JKAMP: variants seen among roughly 807,000 people sequenced by gnomAD.
JKAMP encodes JNK1/MAPK8-associated membrane protein.
Under a neutral mutation model 40.2 loss-of-function variants are expected in JKAMP, and 20 were observed. The ratio of observed to expected loss-of-function variants is 0.50; its 90% confidence interval spans 0.35 to 0.72. The LOEUF (loss-of-function observed/expected upper bound fraction) is 0.72, where lower values mean the gene tolerates loss of function less well. JKAMP is among the 30% of genes least tolerant of loss of function. JKAMP has a pLI of 0.01. For synonymous variants in JKAMP, 138 were observed against 131.6 expected (o/e 1.05, Z -0.33); for missense variants, 276 against 373.0 (o/e 0.74, Z 2.14).
At chr14:59,485,099 GAGCC>G (rs1890427749) in intron 1 of JKAMP, 1 of 1,598,308 alleles carries the variant, frequency 6.3e-7, no homozygotes, top group African/African-American at 1.3e-5. Context: ...CAGTCGCTTG[GAGCC>G]TGGGTTTTGC....
Position 59,505,001 on chromosome 14 carries a change from C to G in JKAMP, c.*929C>G. The stretch of plus-strand genomic sequence containing the variant: ...TTTATGCTTTGAAGGCCTTAAGACT[C>G]ATGGTTGCAACCATGGAAGCAAAAT... On this transcript the variant is annotated 3_prime_UTR_variant, in exon 7 of 7. Coordinates refer to ENST00000616435, the MANE Select transcript of JKAMP (RefSeq NM_016475.5). 1 of 323,426 alleles carries G rather than the reference C, an allele frequency of 3.1e-6. No individual in the cohort carries two copies. Among genetic ancestry groups the G allele is most frequent in the Non-Finnish European group, 5.7e-6 (1 of 175,624 alleles). The allele number at this position is 323,426 out of a possible 1,614,324, so 20.0% of individuals were successfully genotyped here. A position where few individuals can be genotyped will look rare whatever the true frequency, so the allele number is the denominator to read the frequency against.
At chr14:59,486,533 GT>G (rs1313750237) in intron 1 of JKAMP, 179 bp from the exon 2 acceptor site, 10 of 594,462 alleles carry the variant, frequency 1.7e-5, no homozygotes, top group Non-Finnish European at 2.1e-5. Context: ...CAGGATAACT[GT>G]CTGCAGTGTC....
intron 3 of JKAMP, among the ~76,000 whole-genome samples, chr14:59,493,343 A>G (rs770866666): frequency 2.0e-5 from 3 of 152,220 alleles, no homozygotes; most frequent in Non-Finnish European, 2.9e-5. Flanking sequence ...TACTGCAGCC[A>G]TGTGAGTTAG....
intron 5 of JKAMP, chr14:59,500,841 A>G (rs1204825283): frequency 6.1e-6 from 1 of 164,664 alleles, no homozygotes; most frequent in Non-Finnish European, 1.3e-5. Context: ...TAAAAAATCA[A>G]AAGACTTATA....
chr14:59,504,081 A>T lies in JKAMP; in HGVS notation c.*9A>T. 16 of 1,575,280 alleles carry T rather than the reference A, an allele frequency of 1.0e-5. No homozygotes were observed. Among genetic ancestry groups the T allele is most frequent in the Non-Finnish European group, 1.4e-5 (16 of 1,145,572 alleles). ...GAGCCAATGGACACTGAGTGTAGAC[A>T]TGTGAAATGCCAAAAACCTGAGAAG... On this transcript the variant is annotated 3_prime_UTR_variant, in exon 7 of 7. Transcript: ENST00000616435.
rs143029241 is a variant in JKAMP, at chr14:59,493,019, T to C, written c.252-1999T>C. On this transcript the variant is annotated intron_variant, in intron 3 of 6. Coordinates refer to ENST00000616435, the MANE Select transcript of JKAMP (RefSeq NM_016475.5). The stretch of plus-strand genomic sequence containing the variant: ...TTCACTGTGTTAGCCAGGATGGTCT[T>C]GATTTCCTGACCTCGTGATCCACCC... Among the ~76,000 whole-genome samples, 1,417 of 151,552 alleles carry C rather than the reference T, an allele frequency of 9.3e-3. 22 individuals are homozygous for C. The highest frequency in any genetic ancestry group is 0.031 in the African/African-American group (1,281 of 41,276).
In JKAMP at chr14:59,504,260, A is replaced by ATACTC; in HGVS notation, c.*190_*194dup. Reference sequence around the variant, plus strand: ...GACTTGGAAAATGCAAAACTCTGTAATACTCTGTTACACAGGGTAATATTA... The same window carrying ATACTC: ...GACTTGGAAAATGCAAAACTCTGTAATACTCTACTCTGTTACACAGGGTAATATTA... On this transcript the variant is annotated 3_prime_UTR_variant, in exon 7 of 7. Coordinates refer to ENST00000616435, the MANE Select transcript of JKAMP (RefSeq NM_016475.5). The ATACTC allele has an allele frequency of 1.7e-6, 1 of 595,784 alleles. No homozygotes were observed. The highest frequency in any genetic ancestry group is 3.0e-5 in the Admixed American group (1 of 33,396). The allele number at this position is 595,784 out of a possible 1,614,324, so 36.9% of individuals were successfully genotyped here. A position where few individuals can be genotyped will look rare whatever the true frequency, so the allele number is the denominator to read the frequency against.
intron 1 of JKAMP, chr14:59,485,125 T>A: frequency 6.3e-7 from 1 of 1,598,262 alleles, no homozygotes; most frequent in Non-Finnish European, 8.5e-7. Flanking sequence ...TAGTAAGTGA[T>A]AGGCTGTTTA....
At chr14:59,501,019 C>A in intron 5 of JKAMP, 172 bp from the exon 6 acceptor site, 1 of 559,836 alleles carries the variant, frequency 1.8e-6, no homozygotes, top group Non-Finnish European at 3.1e-6. Context: ...TACTATCTTG[C>A]CCTTTCCAGA....
chr14:59,495,249 T>C, intron 4 of JKAMP, 25 bp downstream of exon 4: 2 of 1,468,716 alleles, frequency 1.4e-6, no homozygotes, highest in Non-Finnish European at 1.9e-6. Context: ...CGACTTAAGA[T>C]CATTGTTTTT....
Position 59,484,570 on chromosome 14 carries a change from A to G in JKAMP, c.-20A>G. 1 of 1,573,184 alleles carries G rather than the reference A, an allele frequency of 6.4e-7. No individual in the cohort carries two copies. Reference sequence around the variant, plus strand: ...GATCCGCTGATCTAGTGCTTCTCGAAAAAAACCTTCAGGCGGCCCATGGGT... The same window carrying G: ...GATCCGCTGATCTAGTGCTTCTCGAGAAAAACCTTCAGGCGGCCCATGGGT... On this transcript the variant is annotated 5_prime_UTR_variant, in exon 1 of 7. Transcript: ENST00000616435.
At chr14:59,488,596 A>G (rs752017273) in intron 3 of JKAMP, among the ~76,000 whole-genome samples, 11 of 152,186 alleles carry the variant, frequency 7.2e-5, no homozygotes, top group Non-Finnish European at 7.3e-5. Flanking sequence ...GAAAAGTAAT[A>G]TAAAGGGGAG....
intron 4 of JKAMP, among the ~76,000 whole-genome samples, chr14:59,496,719 T>C (rs904281961): frequency 5.3e-5 from 8 of 152,230 alleles, no homozygotes; most frequent in African/African-American, 1.7e-4. Flanking sequence ...CACAGCTTCA[T>C]TGATTAGGAC....
intron 4 of JKAMP, among the ~76,000 whole-genome samples, chr14:59,497,736 C>CTTGTTTTG (rs988502702): frequency 6.6e-6 from 1 of 152,070 alleles, no homozygotes; most frequent in African/African-American, 2.4e-5. Context: ...AAAAAATTAT[C>CTTGTTTTG]ACCCAAGAGA....
At chr14:59,499,600 C>T (rs1224365263) in intron 5 of JKAMP, among the ~76,000 whole-genome samples, 2 of 152,094 alleles carry the variant, frequency 1.3e-5, no homozygotes, top group African/African-American at 4.8e-5. Context: ...GTAGGCAAGC[C>T]AGTGGCTGAG....
At position 59,485,207 on chromosome 14, in the gene JKAMP, T is replaced by A; in HGVS notation, c.4+614T>A. ...AAACTTTAGATTATTGATATTCACG[T>A]GTATTTATTAAGCATCTACTAGATG... On this transcript the variant is annotated intron_variant, in intron 1 of 6. Transcript: ENST00000616435. 10 of 1,400,134 alleles carry A rather than the reference T, an allele frequency of 7.1e-6. No individual in the cohort carries two copies. In the South Asian group the frequency reaches 1.2e-4, roughly 17 times the overall value. The allele number at this position is 1,400,134 out of a possible 1,614,324, so 86.7% of individuals were successfully genotyped here.
chr14:59,498,713 A>C lies in JKAMP; in HGVS notation c.459-14A>C. On this transcript the variant is annotated splice_polypyrimidine_tract_variant and intron_variant, in intron 4 of 6. Transcript: ENST00000616435. ...ACATTTTTGATGTTACAAATTCTTT[A>C]TTTTATTTTACAGATATACCATTGT... The C allele has an allele frequency of 2.2e-6, 3 of 1,337,812 alleles. No individual in the cohort carries two copies. The highest frequency in any genetic ancestry group is 3.1e-6 in the Non-Finnish European group (3 of 968,822). 82.9% of individuals were successfully genotyped at this position (1,337,812 alleles called of 1,614,324 possible). A position where few individuals can be genotyped will look rare whatever the true frequency, so the allele number is the denominator to read the frequency against.
chr14:59,492,253 T>TA (rs5809032), intron 3 of JKAMP, among the ~76,000 whole-genome samples: 3,912 of 147,878 alleles, frequency 0.026, 165 homozygotes, highest in African/African-American at 0.091. Context: ...CTTGCCAAAA[T>TA]AAAAAAAAAG....
chr14:59,490,077 C>T (rs547354956), intron 3 of JKAMP, among the ~76,000 whole-genome samples: 5 of 152,072 alleles, frequency 3.3e-5, no homozygotes, highest in Admixed American at 3.3e-4. Flanking sequence ...CGTGTACCAC[C>T]ATACCCTGCT....
Sources: allele counts gnomAD v4.1 joint callset (sites outside exome capture counted in the v4.1 genomes callset), GRCh38; gene constraint gnomAD v4.1.1; transcripts MANE v1.5; gene names NCBI Gene and HGNC (gene_info 2026-07-23, HGNC 2026-07-21).